Variants in SF3B2 observed in about 807,000 individuals in gnomAD.
SF3B2 encodes the protein splicing factor 3b subunit 2.
In SF3B2, 22 loss-of-function variants were observed where a neutral mutation model predicts 116.3. The ratio of observed to expected loss-of-function variants is 0.19; its 90% CI spans 0.14 to 0.27. The LOEUF (loss-of-function observed/expected upper bound fraction) is 0.27. Among genes scored for constraint, SF3B2 ranks in the 10% least tolerant of loss-of-function variants. The probability of loss-of-function intolerance (pLI) is 1.00; values close to 1 mark genes in which losing one functional copy is unlikely to be tolerated. For missense variants in SF3B2, 767 were observed against 1,151.4 expected, an observed-to-expected ratio of 0.67 and a Z score of 4.83; for synonymous variants, 406 against 421.6, an observed-to-expected ratio of 0.96 and a Z score of 0.45.
chr11:66,055,482 C>T (rs1856977316), intron 4 of SF3B2, 53 bp from the exon 5 acceptor site: 3 of 1,606,072 alleles, frequency 1.9e-6, no homozygotes, highest in Non-Finnish European at 2.6e-6. Flanking sequence ...AGAGTTGTGG[C>T]AGATTGGCGT....
chr11:66,063,521 G>A lies in SF3B2; in HGVS notation c.2207G>A (p.Gly736Asp). Reference sequence around the variant, plus strand: ...GATGAAGACAAACCAGATGAGACAGGCTTTATTACCCCTGCAGACAGGTGG... The same window carrying A: ...GATGAAGACAAACCAGATGAGACAGACTTTATTACCCCTGCAGACAGGTGG... ...ESDEDKPDET[G>D]FITPADSGLI... is the part of the protein sequence containing the mutation. Residue 736 changes from glycine to aspartate, a missense_variant, in exon 18 of 22, where the codon GGC (glycine) becomes GAC (aspartate). Transcript: ENST00000322535. 1.9e-6 allele frequency: 3 copies of A among 1,613,950 alleles called. No individual in the cohort carries two copies. Among genetic ancestry groups the A allele is most frequent in the Non-Finnish European group, 2.5e-6 (3 of 1,179,928 alleles).
At chr11:66,054,406 A>G (rs1298158473) in intron 3 of SF3B2, among the ~76,000 whole-genome samples, 4 of 150,582 alleles carry the variant, frequency 2.7e-5, no homozygotes, top group African/African-American at 7.3e-5. Flanking sequence ...GAACCTGGAA[A>G]GCGGAGGTTG....
chr11:66,053,098 G>C lies in SF3B2; in HGVS notation c.252G>C (p.Ser84=), dbSNP rs780906740. 2 of 1,613,676 alleles carry C rather than the reference G, an allele frequency of 1.2e-6. No homozygotes were observed. Among genetic ancestry groups the C allele is most frequent in the Non-Finnish European group, 1.7e-6 (2 of 1,179,844 alleles). ...DGDKAAPPPM[S]AQLPGIPMPP... ...ACAAAGCCGCTCCACCTCCCATGTC[G>C]GCACAGGTAGGGAGATTCTTCTGTT... The change falls in exon 3 of 22, where the codon TCG becomes TCC. Residue 84 remains serine, a synonymous_variant. Coordinates refer to ENST00000322535, the MANE Select transcript of SF3B2 (RefSeq NM_006842.3).
chr11:66,059,630 C>T lies in SF3B2; in HGVS notation c.1401+35C>T, dbSNP rs1167566074. 1 of 1,609,698 alleles carries T rather than the reference C, an allele frequency of 6.2e-7. No homozygotes were observed. The highest frequency in any genetic ancestry group is 1.7e-5 in the Admixed American group (1 of 59,972). On this transcript the variant is annotated intron_variant, in intron 12 of 21. Coordinates refer to ENST00000322535, the MANE Select transcript of SF3B2 (RefSeq NM_006842.3). The surrounding 1 kb of genome is among the most constrained non-coding windows in gnomAD (Gnocchi z 5.0). ...GAGAGGATCCTGCAGGCCCTGGAGC[C>T]CAGCTGGGAGACCACCTGGGGAGCC...
Position 66,057,242 on chromosome 11 carries a change from GGATT to G in SF3B2, c.668-23_668-20del. On this transcript the variant is annotated intron_variant, in intron 6 of 21. Coordinates refer to ENST00000322535, the MANE Select transcript of SF3B2 (RefSeq NM_006842.3). ...TGAGTGTTTTGCCTCTTCTGACATT[GGATT>G]TCTTTTTCCCGTCTCTTAGTAGCTG... 1 of 1,403,034 alleles carries G rather than the reference GGATT, an allele frequency of 7.1e-7. No homozygotes were observed. The highest frequency in any genetic ancestry group is 1.0e-6 in the Non-Finnish European group (1 of 987,200). The allele number at this position is 1,403,034 out of a possible 1,614,324, so 86.9% of individuals were successfully genotyped here. A position where few individuals can be genotyped will look rare whatever the true frequency, so the allele number is the denominator to read the frequency against.
At chr11:66,068,546 T>G in intron 21 of SF3B2, 128 bp from the exon 22 acceptor site, 1 of 894,822 alleles carries the variant, frequency 1.1e-6, no homozygotes, top group South Asian at 1.6e-5. Flanking sequence ...GAGAGGGAGC[T>G]CGAAGAGAAT....
At chr11:66,060,045 T>G in intron 13 of SF3B2, 36 bp downstream of exon 13, 18 of 1,562,042 alleles carry the variant, frequency 1.2e-5, no homozygotes, top group Non-Finnish European at 1.5e-5. Flanking sequence ...TGCCCCCGGG[T>G]GTCCCCATCC....
chr11:66,054,692 C>T (rs1856961596), intron 3 of SF3B2, among the ~76,000 whole-genome samples: 1 of 152,052 alleles, frequency 6.6e-6, no homozygotes, highest in African/African-American at 2.4e-5. Context: ...TTATGTAAGT[C>T]CTCTCAATTT....
chr11:66,065,711 C>G (rs1857171005), intron 19 of SF3B2: 1 of 152,086 alleles, frequency 6.6e-6, no homozygotes, highest in African/African-American at 2.4e-5. Flanking sequence ...GCTATATGTT[C>G]AAGTTTACTA....
intron 5 of SF3B2, 167 bp downstream of exon 5, chr11:66,055,752 A>C: frequency 1.6e-6 from 1 of 626,518 alleles, no homozygotes; most frequent in Non-Finnish European, 2.8e-6. Context: ...GGAATTGACA[A>C]ACTATGACCT....
At chr11:66,063,773 C>T (rs1857135126) in intron 19 of SF3B2, 44 bp downstream of exon 19, 1 of 1,471,950 alleles carries the variant, frequency 6.8e-7, no homozygotes, top group South Asian at 1.3e-5. Flanking sequence ...CCTTCACTTC[C>T]CTTTGGCTGG....
intron 3 of SF3B2, 127 bp downstream of exon 3, chr11:66,053,231 AGTGGGG>A: frequency 3.4e-6 from 3 of 884,488 alleles, no homozygotes; most frequent in South Asian, 2.8e-5. Context: ...GCCTGACCTG[AGTGGGG>A]AAAAAAAAAG....
In SF3B2 at chr11:66,063,679, C is replaced by A; in HGVS notation, c.2280C>A (p.Thr760=). The A allele has an allele frequency of 2.5e-6, 4 of 1,613,698 alleles. No homozygotes were observed. The highest frequency in any genetic ancestry group is 2.2e-5 in the East Asian group (1 of 44,864). ...CATCAGTGCCTGCTGGAATGGAGACCCCTGAACTCATTGAGCTGAGGAAGA... is the reference window on the plus strand; with the variant it reads ...CATCAGTGCCTGCTGGAATGGAGACACCTGAACTCATTGAGCTGAGGAAGA... ...GFSSVPAGME[T]PELIELRKKK... Residue 760 remains threonine, a synonymous_variant, in exon 19 of 22, where the codon ACC becomes ACA. Transcript: ENST00000322535.
rs1468580312 is a variant in SF3B2, at chr11:66,060,026, G to A, written c.1629+17G>A. The A allele has an allele frequency of 1.9e-6, 3 of 1,605,270 alleles. No homozygotes were observed. The highest frequency in any genetic ancestry group is 2.6e-6 in the Non-Finnish European group (3 of 1,173,358). Reference sequence around the variant, plus strand: ...CAGGAGAAGGTGAGGGCCTGGCAGGGCTCAGACCTGCCCCCGGGTGTCCCC... The same window carrying A: ...CAGGAGAAGGTGAGGGCCTGGCAGGACTCAGACCTGCCCCCGGGTGTCCCC... On this transcript the variant is annotated intron_variant, in intron 13 of 21. Coordinates refer to ENST00000322535, the MANE Select transcript of SF3B2 (RefSeq NM_006842.3).
intron 14 of SF3B2, among the ~76,000 whole-genome samples, chr11:66,061,168 T>C (rs941549679): frequency 1.3e-5 from 2 of 152,126 alleles, no homozygotes; most frequent in Admixed American, 6.5e-5. Flanking sequence ...TCGGATGAGA[T>C]GGAATTTAAA....
intron 3 of SF3B2, chr11:66,053,809 TTAC>T (rs1856938043): frequency 6.6e-6 from 1 of 152,550 alleles, no homozygotes; most frequent in Admixed American, 6.6e-5. Context: ...TAGCACACAT[TTAC>T]CTATGTAACA....
In SF3B2 at chr11:66,068,712, G is replaced by C; in HGVS notation, c.2655G>C (p.Gly885=). The change falls in exon 22 of 22, where the codon GGG becomes GGC. Residue 885 remains glycine (G), a synonymous_variant. Coordinates refer to ENST00000322535, the MANE Select transcript of SF3B2 (RefSeq NM_006842.3). ...AAGCTCAGCCCCAGGACAGCCGTGGGGGCAGCAAGAAATATAAGGAGTTCA... is the reference window on the plus strand; with the variant it reads ...AAGCTCAGCCCCAGGACAGCCGTGGCGGCAGCAAGAAATATAAGGAGTTCA... The part of the protein sequence containing the change: ...KRKAQPQDSR[G]GSKKYKEFKF 2 of 1,614,060 alleles carry C rather than the reference G, an allele frequency of 1.2e-6. No individual in the cohort carries two copies. The highest frequency in any genetic ancestry group is 1.1e-5 in the South Asian group (1 of 91,070).
intron 3 of SF3B2, 91 bp from the exon 4 acceptor site, chr11:66,054,985 T>C: frequency 7.7e-7 from 1 of 1,297,540 alleles, no homozygotes; most frequent in South Asian, 1.6e-5. Context: ...TGACTTAGAA[T>C]TCCAGCTCCT....
At chr11:66,060,382 C>T (rs549655292) in intron 13 of SF3B2, among the ~76,000 whole-genome samples, 200 bp from the exon 14 acceptor site, 5 of 152,264 alleles carry the variant, frequency 3.3e-5, no homozygotes, top group East Asian at 1.9e-4. Flanking sequence ...TTGATATACA[C>T]GGCTGAGGCT....
Sources: allele counts gnomAD v4.1 joint callset (sites outside exome capture counted in the v4.1 genomes callset), GRCh38; gene constraint gnomAD v4.1.1; non-coding constraint Gnocchi (gnomAD v3.1); transcripts MANE v1.5; gene names NCBI Gene and HGNC (gene_info 2026-07-23, HGNC 2026-07-21).